ZNF605: variants seen among roughly 807,000 people sequenced by gnomAD.
ZNF605 encodes the protein zinc finger protein 605.
Under a neutral mutation model 7.9 loss-of-function variants are expected in ZNF605, and 9 were observed. The ratio of observed to expected loss-of-function variants is 1.14; its 90% CI spans 0.68 to 1.98. The LOEUF is 1.98. ZNF605 is among the 30% of genes most tolerant of loss of function. The pLI, the probability that ZNF605 is intolerant of heterozygous loss-of-function variation, is 0.00. For synonymous variants in ZNF605, 255 were observed against 260.1 expected, an observed-to-expected ratio of 0.98 and a Z score of 0.19; for missense variants, 673 against 762.4, an observed-to-expected ratio of 0.88 and a Z score of 1.38.
chr12:132,949,024 G>T (rs920190046), intron 1 of ZNF605, among the ~76,000 whole-genome samples: 3 of 152,168 alleles, frequency 2.0e-5, no homozygotes. Flanking sequence ...TCTGTTGGGG[G>T]AAAGGCTTAT....
At chr12:132,945,262 C>T in intron 3 of ZNF605, 1 of 729,422 alleles carries the variant, frequency 1.4e-6, no homozygotes, top group South Asian at 1.7e-5. Flanking sequence ...CCATGCCCAG[C>T]TGAGACTTTT....
chr12:132,948,771 G>A (rs921027446), intron 1 of ZNF605, among the ~76,000 whole-genome samples: 1 of 152,228 alleles, frequency 6.6e-6, no homozygotes, highest in Non-Finnish European at 1.5e-5. Flanking sequence ...ACTCCTCTGC[G>A]CGGTCTCCCA....
intron 3 of ZNF605, among the ~76,000 whole-genome samples, chr12:132,939,516 A>G (rs1222229066): frequency 1.1e-3 from 163 of 152,078 alleles, no homozygotes; most frequent in African/African-American, 3.8e-3. Flanking sequence ...GGCCTTGGAG[A>G]ACCTGTGTGT....
At chr12:132,932,794 G>C (rs983457964) in intron 4 of ZNF605, 9 of 1,535,810 alleles carry the variant, frequency 5.9e-6, no homozygotes, top group Non-Finnish European at 5.2e-6. Context: ...TCAGGTTTGA[G>C]AATTTGAAAA....
intron 3 of ZNF605, among the ~76,000 whole-genome samples, chr12:132,940,199 CAG>C (rs1437788839): frequency 1.3e-5 from 2 of 152,140 alleles, no homozygotes; most frequent in African/African-American, 2.4e-5. Context: ...GCTGTAGTGA[CAG>C]AGAACAGATA....
intron 3 of ZNF605, among the ~76,000 whole-genome samples, chr12:132,942,848 G>T (rs1267185773): frequency 1.3e-5 from 2 of 152,234 alleles, no homozygotes; most frequent in Non-Finnish European, 2.9e-5. Flanking sequence ...CATGGCAACT[G>T]CCGAGGTGAC....
rs1231819116 is a variant in ZNF605 at position 132,933,430 on chromosome 12, G to T, written c.16-275C>A. The stretch of plus-strand genomic sequence containing the variant: ...TCCTGGGCACTCTCTCTCTCTGGAG[G>T]AGTCTGGCTGCTGTGTTGTAAGGCC... On this transcript the variant is annotated intron_variant, in intron 3 of 4. Transcript: ENST00000360187. This position sits in a 1 kb window ranked among gnomAD's most constrained non-coding sequence, Gnocchi z 4.4. Among the ~76,000 whole-genome samples, 1 of 152,204 alleles carries T rather than the reference G, an allele frequency of 6.6e-6. No homozygotes were observed. Among genetic ancestry groups the T allele is most frequent in the Non-Finnish European group, 1.5e-5 (1 of 68,040 alleles).
chr12:132,939,434 A>G (rs1264198213), intron 3 of ZNF605, among the ~76,000 whole-genome samples: 3 of 152,146 alleles, frequency 2.0e-5, no homozygotes, highest in African/African-American at 7.2e-5. Context: ...AAACACACCA[A>G]TCAGCACCCT....
intron 1 of ZNF605, among the ~76,000 whole-genome samples, chr12:132,951,895 ACAT>A (rs1952575633): frequency 6.6e-6 from 1 of 151,396 alleles, no homozygotes; most frequent in South Asian, 2.1e-4. Flanking sequence ...ACTCATACAC[ACAT>A]CACACACATT....
chr12:132,925,252 A>T lies in ZNF605; in HGVS notation c.*121T>A, dbSNP rs574465524. On this transcript the variant is annotated 3_prime_UTR_variant, in exon 5 of 5. Transcript: ENST00000360187. ...TCTGCTTAGTGACTCTTGACTCCTC[A>T]ATTCAAGCTTTTTCAACAGTCACTG... 1.1e-4 allele frequency: 78 copies of T among 703,042 alleles called. No homozygotes were observed. The Middle Eastern group carries it at 1.3e-3, about 11-fold the overall frequency. 43.6% of individuals were successfully genotyped at this position (703,042 alleles called of 1,614,324 possible).
At position 132,926,305 on chromosome 12, in the gene ZNF605, T is replaced by C; in HGVS notation, c.994A>G (p.Thr332Ala). The change falls in exon 5 of 5, where the codon ACA becomes GCA. Residue 332 changes from threonine (T) to alanine (A), a missense_variant. Coordinates refer to ENST00000360187, the MANE Select transcript of ZNF605 (RefSeq NM_183238.4). Reference sequence around the variant, plus strand: ...CCACATCCGTAAGGTTTCTTCCCTGTGTGGGTCCTCTGATGAGTAATCAGC... The same window carrying C: ...CCACATCCGTAAGGTTTCTTCCCTGCGTGGGTCCTCTGATGAGTAATCAGC... ...SQLITHQRTH[T>A]GKKPYGCGEC... The C allele has an allele frequency of 6.2e-7, 1 of 1,614,202 alleles. No homozygotes were observed. The highest frequency in any genetic ancestry group is 8.5e-7 in the Non-Finnish European group (1 of 1,180,024).
At chr12:132,955,149 C>G (rs1180978222) in intron 1 of ZNF605, among the ~76,000 whole-genome samples, 4 of 152,138 alleles carry the variant, frequency 2.6e-5, no homozygotes, top group Non-Finnish European at 4.4e-5. Context: ...GGAGAACGGG[C>G]TTCTGGGAAG....
At chr12:132,935,688 C>A (rs952994730) in intron 3 of ZNF605, among the ~76,000 whole-genome samples, 1 of 138,340 alleles carries the variant, frequency 7.2e-6, no homozygotes, top group Non-Finnish European at 1.7e-5. Flanking sequence ...GTAAGGAGAT[C>A]GAGACCATCC....
intron 4 of ZNF605, among the ~76,000 whole-genome samples, chr12:132,927,972 A>C (rs1952265746): frequency 6.6e-6 from 1 of 152,184 alleles, no homozygotes; most frequent in African/African-American, 2.4e-5. Flanking sequence ...TGAACTTTTA[A>C]ATAAGGAAAT....
rs1328702112 is a variant in ZNF605, at chr12:132,923,703, CT to C, written c.*1669del. ...TTTATTCTACTTCAGGTCATTTGAG[CT>C]TCTTGAATATGTGGGGGTATTGTTT... On this transcript the variant is annotated 3_prime_UTR_variant, in exon 5 of 5. Transcript: ENST00000360187. The C allele has an allele frequency of 6.6e-6, 1 of 152,166 alleles. No homozygotes were observed. Among genetic ancestry groups the C allele is most frequent in the Admixed American group, 6.5e-5 (1 of 15,270 alleles). The allele number at this position is 152,166 out of a possible 1,614,324, so 9.4% of individuals were successfully genotyped here.
Position 132,918,807 on chromosome 12 carries a change from A to C in ZNF605, c.*6566T>G, listed in dbSNP as rs1952178983. On this transcript the variant is annotated 3_prime_UTR_variant, in exon 5 of 5. Coordinates refer to ENST00000360187, the MANE Select transcript of ZNF605 (RefSeq NM_183238.4). ...TGCCATGTTGGCCAGGCTGCTCTTGAGCTCCTGAACTCAAGTGATCCACCC... is the reference window on the plus strand; with the variant it reads ...TGCCATGTTGGCCAGGCTGCTCTTGCGCTCCTGAACTCAAGTGATCCACCC... 1 of 152,228 alleles carries C rather than the reference A, an allele frequency of 6.6e-6. No individual in the cohort carries two copies. Among genetic ancestry groups the C allele is most frequent in the African/African-American group, 2.4e-5 (1 of 41,412 alleles). The allele number at this position is 152,228 out of a possible 1,614,324, so 9.4% of individuals were successfully genotyped here. A position where few individuals can be genotyped will look rare whatever the true frequency, so the allele number is the denominator to read the frequency against.
At chr12:132,946,935 A>G (rs1952499918) in intron 2 of ZNF605, among the ~76,000 whole-genome samples, 1 of 152,238 alleles carries the variant, frequency 6.6e-6, no homozygotes, top group South Asian at 2.1e-4. Flanking sequence ...TGGAAGGGCA[A>G]ATATAGATTT....
chr12:132,929,939 G>A (rs1019812447), intron 4 of ZNF605, among the ~76,000 whole-genome samples: 7 of 152,272 alleles, frequency 4.6e-5, no homozygotes, highest in East Asian at 3.9e-4. Flanking sequence ...GCGAGACTCC[G>A]TCTCAAAATA....
At position 132,925,502 on chromosome 12, in the gene ZNF605, T is replaced by G; in HGVS notation, c.1797A>C (p.Thr599=). 1 of 1,614,176 alleles carries G rather than the reference T, an allele frequency of 6.2e-7. No individual in the cohort carries two copies. Among genetic ancestry groups the G allele is most frequent in the Non-Finnish European group, 8.5e-7 (1 of 1,180,020 alleles). The change falls in exon 5 of 5, where the codon ACA becomes ACC. Residue 599 remains threonine, a synonymous_variant. Transcript: ENST00000360187. ...GATGCCTCATAAGGTGTGACTTTCT[T>G]GTGAAAGATTTCCCACATTCACCAC... ...YKCGECGKSF[T]RKSHLMRHQR...
Sources: allele counts gnomAD v4.1 joint callset (sites outside exome capture counted in the v4.1 genomes callset), GRCh38; gene constraint gnomAD v4.1.1; non-coding constraint Gnocchi (gnomAD v3.1); transcripts MANE v1.5; gene names NCBI Gene and HGNC (gene_info 2026-07-23, HGNC 2026-07-21).